KSR2: variants seen among roughly 807,000 people sequenced by gnomAD.
KSR2 encodes the protein kinase suppressor of ras 2.
In KSR2, 25 loss-of-function variants were observed where a neutral mutation model predicts 107.8. That is an observed-to-expected ratio of 0.23 (90% confidence interval 0.17 to 0.32). The LOEUF (loss-of-function observed/expected upper bound fraction) is 0.32. KSR2 is among the 10% of genes least tolerant of loss of function. The pLI is 1.00. For synonymous variants in KSR2, 480 were observed against 507.0 expected, an observed-to-expected ratio of 0.95 and a Z score of 0.71; for missense variants, 887 against 1,268.9, an observed-to-expected ratio of 0.70 and a Z score of 4.57.
At chr12:117,583,393 GTGGGTGAGTGAGTGGATGGATGGA>G (rs1879803195) in intron 5 of KSR2, among the ~76,000 whole-genome samples, 1 of 141,936 alleles carries the variant, frequency 7.0e-6, no homozygotes, top group Non-Finnish European at 1.5e-5. Flanking sequence ...AGATGGATGG[GTGGGTGAGTGAGTGGATGGATGGA>G]TGGATGGATG....
At chr12:117,736,678 T>C (rs984684706) in intron 4 of KSR2, among the ~76,000 whole-genome samples, 1 of 151,786 alleles carries the variant, frequency 6.6e-6, no homozygotes, top group African/African-American at 2.4e-5. Context: ...TTGGGTGTGG[T>C]GGTGCATGCC....
chr12:117,587,751 G>A (rs900961766), intron 5 of KSR2, among the ~76,000 whole-genome samples: 16 of 152,206 alleles, frequency 1.1e-4, no homozygotes, highest in African/African-American at 3.9e-4. Context: ...AAGAGTCCAT[G>A]AGGAAAATGA....
intron 5 of KSR2, among the ~76,000 whole-genome samples, chr12:117,601,036 G>T (rs1880912717): frequency 6.6e-6 from 1 of 152,094 alleles, no homozygotes; most frequent in African/African-American, 2.4e-5. Context: ...TAGCAACCGT[G>T]CCTGGTGGCT....
chr12:117,718,137 C>A (rs1034626752), intron 4 of KSR2, among the ~76,000 whole-genome samples: 1 of 152,120 alleles, frequency 6.6e-6, no homozygotes. Flanking sequence ...ATAATGCATT[C>A]GAAAATTACT....
At position 117,594,460 on chromosome 12, in the gene KSR2, A is replaced by G. The variant is rs190559951; in HGVS notation, c.1172-12101T>C. Reference sequence around the variant, plus strand: ...GGGACAGCCTCGTGATAAATAATATATAAGTTCAAGACTGGGTGTCCATAT... The same window carrying G: ...GGGACAGCCTCGTGATAAATAATATGTAAGTTCAAGACTGGGTGTCCATAT... On this transcript the variant is annotated intron_variant, in intron 5 of 19. Transcript: ENST00000339824. Among the ~76,000 whole-genome samples, 665 of 152,288 alleles carry G rather than the reference A, an allele frequency of 4.4e-3. 5 individuals carry two copies. The highest frequency in any genetic ancestry group is 4.8e-3 in the Non-Finnish European group (328 of 68,022).
chr12:117,583,234 T>A (rs34393249), intron 5 of KSR2, among the ~76,000 whole-genome samples: 59,746 of 149,866 alleles, frequency 0.4, 13,540 homozygotes, highest in East Asian at 0.55. Context: ...GACGGGTGGG[T>A]AGATGGAGAG....
intron 4 of KSR2, among the ~76,000 whole-genome samples, chr12:117,717,961 C>G (rs927461855): frequency 2.6e-5 from 4 of 152,066 alleles, no homozygotes; most frequent in African/African-American, 9.7e-5. Context: ...GCAAAGCTAC[C>G]AAGGAGCAGG....
At chr12:117,611,463 C>CACACACACACACACACACACA (rs1555221599) in intron 5 of KSR2, among the ~76,000 whole-genome samples, 12 of 151,994 alleles carry the variant, frequency 7.9e-5, no homozygotes, top group Non-Finnish European at 1.3e-4. Context: ...CACACACACA[C>CACACACACACACACACACACA]GTGTATCCAC....
chr12:117,920,395 CTTT>C lies in KSR2; in HGVS notation c.180+47678_180+47680del, dbSNP rs138819853. Among the ~76,000 whole-genome samples, 5 of 141,878 alleles carry C rather than the reference CTTT, an allele frequency of 3.5e-5. No homozygotes were observed. In the South Asian group the frequency reaches 9.0e-4, roughly 26 times the overall value. 93.1% of individuals were successfully genotyped at this position (141,878 alleles called of 152,430 possible). On this transcript the variant is annotated intron_variant, in intron 1 of 19. Transcript: ENST00000339824. ...GATTACAGGGCTGAACCACTGTGGT[CTTT>C]TTTTTTTTTTTTAACAATTTTAATG...
chr12:117,628,115 A>G (rs898156501), intron 5 of KSR2, among the ~76,000 whole-genome samples: 2 of 151,908 alleles, frequency 1.3e-5, no homozygotes, highest in Non-Finnish European at 2.9e-5. Context: ...ATCTTTTTTC[A>G]AGGTTTTTAG....
chr12:117,544,274 T>C (rs1256375827), intron 9 of KSR2, among the ~76,000 whole-genome samples: 2 of 152,214 alleles, frequency 1.3e-5, no homozygotes, highest in Non-Finnish European at 2.9e-5. Context: ...CAATTGTAGA[T>C]GGCATGTTTC....
At chr12:117,766,588 A>G (rs1889236137) in intron 3 of KSR2, among the ~76,000 whole-genome samples, 2 of 152,222 alleles carry the variant, frequency 1.3e-5, no homozygotes, top group African/African-American at 4.8e-5. Flanking sequence ...AGTACTCACA[A>G]TACCAAACAC....
intron 1 of KSR2, among the ~76,000 whole-genome samples, chr12:117,862,653 A>G (rs1893339900): frequency 6.6e-6 from 1 of 151,960 alleles, no homozygotes; most frequent in Non-Finnish European, 1.5e-5. Context: ...TCAAAACAAA[A>G]CAAAACAAAA....
rs149918268 is a variant in KSR2, at chr12:117,901,351, G to A, written c.181-40920C>T. ...AGAATCTCACTCTGTTACTCAGGCCGGAGTGCAGTGGTGCAATCTCAGCTC... is the reference window on the plus strand; with the variant it reads ...AGAATCTCACTCTGTTACTCAGGCCAGAGTGCAGTGGTGCAATCTCAGCTC... On this transcript the variant is annotated intron_variant, in intron 1 of 19. Coordinates refer to ENST00000339824, the MANE Select transcript of KSR2 (RefSeq NM_173598.6). 6.2e-3 allele frequency among the ~76,000 whole-genome samples: 918 copies of A among 148,262 alleles called. 8 individuals are homozygous for A. The highest frequency in any genetic ancestry group is 0.021 in the African/African-American group (843 of 40,070).
intron 4 of KSR2, among the ~76,000 whole-genome samples, chr12:117,717,046 C>T (rs1180920049): frequency 6.6e-6 from 1 of 152,198 alleles, no homozygotes; most frequent in Non-Finnish European, 1.5e-5. Context: ...ACTGTAGAAG[C>T]TGAGGAGTTT....
At chr12:117,516,337 C>T (rs1189376026) in intron 14 of KSR2, among the ~76,000 whole-genome samples, 2 of 152,142 alleles carry the variant, frequency 1.3e-5, no homozygotes, top group South Asian at 2.1e-4. Context: ...GGTTCAGTAA[C>T]TTGGCCAGGG....
chr12:117,921,833 A>G (rs1280161120), intron 1 of KSR2, among the ~76,000 whole-genome samples: 2 of 152,178 alleles, frequency 1.3e-5, no homozygotes, highest in Admixed American at 1.3e-4. Context: ...ATCAGAATGT[A>G]CCCACGAGAA....
rs375820548 is a variant in KSR2, at chr12:117,484,394, G to A, written c.2450+22C>T. Reference sequence around the variant, plus strand: ...ACCATCATCTGTCAGGAAACTCTCCGGGTCTTCCCACTGCCTCTCACCTGC... The same window carrying A: ...ACCATCATCTGTCAGGAAACTCTCCAGGTCTTCCCACTGCCTCTCACCTGC... On this transcript the variant is annotated intron_variant, in intron 16 of 19. Transcript: ENST00000339824. 686 of 1,612,734 alleles carry A rather than the reference G, an allele frequency of 4.3e-4. 3 individuals carry two copies. Among genetic ancestry groups the A allele is most frequent in the Middle Eastern group, 6.6e-4 (4 of 6,080 alleles).
In KSR2 at chr12:117,897,081, C is replaced by T. The variant is rs1380192920; in HGVS notation, c.181-36650G>A. On this transcript the variant is annotated intron_variant, in intron 1 of 19. Coordinates refer to ENST00000339824, the MANE Select transcript of KSR2 (RefSeq NM_173598.6). The surrounding 1 kb of genome is among the most constrained non-coding windows in gnomAD (Gnocchi z 4.5). ...GAGGTTTCTTCCTCTCTGCCCTGTT[C>T]CTCTTCGCCCAAGTCTACCGGGACT... 6.6e-6 allele frequency among the ~76,000 whole-genome samples: 1 copy of T among 152,154 alleles called. No individual in the cohort carries two copies. Among genetic ancestry groups the T allele is most frequent in the Non-Finnish European group, 1.5e-5 (1 of 68,036 alleles).
Sources: gnomAD v4.1 joint callset for allele counts (sites outside exome capture counted in the v4.1 genomes callset) on GRCh38, gnomAD v4.1.1 for gene constraint, Gnocchi (gnomAD v3.1) non-coding constraint, MANE v1.5 for transcripts, NCBI Gene and HGNC (gene_info 2026-07-23, HGNC 2026-07-21) for gene names.